TTLL5: variants seen among roughly 807,000 people sequenced by gnomAD.
TTLL5 encodes the protein tubulin tyrosine ligase like 5.
A neutral mutation model predicts 168.4 loss-of-function variants in TTLL5; 132 were observed. The ratio of observed to expected loss-of-function variants is 0.78; its 90% CI spans 0.68 to 0.91. The LOEUF (loss-of-function observed/expected upper bound fraction) is 0.91, where lower values mean the gene tolerates loss of function less well. Ranked by LOEUF, TTLL5 falls within the 40% of genes least tolerant of loss-of-function variation. The pLI is 0.00. For missense variants in TTLL5, 1,545 were observed against 1,581.5 expected (o/e 0.98, Z 0.39); for synonymous variants, 546 against 558.6 (o/e 0.98, Z 0.32).
At chr14:75,847,791 G>T (rs148154607) in intron 28 of TTLL5, 2,781 of 152,064 alleles carry the variant, frequency 0.018, 43 homozygotes, top group Middle Eastern at 0.027. Context: ...CACCTGACAG[G>T]CTTGTTAACA....
intron 31 of TTLL5, among the ~76,000 whole-genome samples, chr14:75,934,965 T>A (rs2140178187): frequency 6.6e-6 from 1 of 152,286 alleles, no homozygotes; most frequent in East Asian, 1.9e-4. Context: ...GGGAGATAAA[T>A]ATAAAGCAGC....
At chr14:75,819,032 C>T (rs186029273) in intron 27 of TTLL5, among the ~76,000 whole-genome samples, 2 of 152,190 alleles carry the variant, frequency 1.3e-5, no homozygotes, top group Non-Finnish European at 2.9e-5. Flanking sequence ...TCATAGGCCT[C>T]GGTTTCTTTC....
intron 27 of TTLL5, among the ~76,000 whole-genome samples, chr14:75,802,420 A>C (rs1438267518): frequency 1.3e-5 from 2 of 152,212 alleles, no homozygotes; most frequent in Non-Finnish European, 2.9e-5. Flanking sequence ...TAAGCAAGCA[A>C]AGTTGAATTT....
At chr14:75,706,232 G>A (rs1048678588) in intron 7 of TTLL5, among the ~76,000 whole-genome samples, 2 of 152,048 alleles carry the variant, frequency 1.3e-5, no homozygotes, top group Admixed American at 1.3e-4. Context: ...TTGTAACCTG[G>A]CATCTTGTAT....
intron 21 of TTLL5, 75 bp from the exon 22 acceptor site, chr14:75,775,409 T>C: frequency 6.6e-7 from 1 of 1,516,806 alleles, no homozygotes; most frequent in South Asian, 1.2e-5. Flanking sequence ...TGTTATATAA[T>C]GCCTTCATAG....
At position 75,779,676 on chromosome 14, in the gene TTLL5, A is replaced by G. The variant is rs552732553; in HGVS notation, c.2489A>G (p.Asn830Ser). Residue 830 changes from asparagine to serine, a missense_variant, in exon 24 of 32, where the codon AAT becomes AGT. Coordinates refer to ENST00000298832, the MANE Select transcript of TTLL5 (RefSeq NM_015072.5). ...TCTAAAATTTCTAAGAACAACAACAATTATTCTGATAGTGGGGCAAAAGGT... is the reference window on the plus strand; with the variant it reads ...TCTAAAATTTCTAAGAACAACAACAGTTATTCTGATAGTGGGGCAAAAGGT... ...THSKISKNNNNYSDSGAKGDH... is the reference protein window; with the variant it reads ...THSKISKNNNSYSDSGAKGDH... 2.5e-5 allele frequency: 41 copies of G among 1,613,250 alleles called. No individual in the cohort carries two copies. The highest frequency in any genetic ancestry group is 1.7e-4 in the Middle Eastern group (1 of 6,060).
At chr14:75,735,348 G>T in intron 15 of TTLL5, 59 bp downstream of exon 15, 1 of 1,539,748 alleles carries the variant, frequency 6.5e-7, no homozygotes, top group East Asian at 2.2e-5. Flanking sequence ...GGCGGCTGAT[G>T]TAACTGTGGG....
chr14:75,938,970 C>A (rs1362543622), intron 31 of TTLL5, among the ~76,000 whole-genome samples: 1 of 152,202 alleles, frequency 6.6e-6, no homozygotes, highest in Non-Finnish European at 1.5e-5. Flanking sequence ...GTCATCCAAT[C>A]AGTTTAACGG....
In TTLL5 at chr14:75,783,144, T is replaced by C. The variant is rs185326652; in HGVS notation, c.2603-3T>C. 4,032 of 1,597,474 alleles carry C rather than the reference T, an allele frequency of 2.5e-3. 13 individuals are homozygous for C. The highest frequency in any genetic ancestry group is 3.7e-3 in the Admixed American group (218 of 58,738). On this transcript the variant is annotated splice_polypyrimidine_tract_variant and splice_region_variant and intron_variant, in intron 25 of 31. Transcript: ENST00000298832. Reference sequence around the variant, plus strand: ...ATGTCTTGTTTTGTTTTGTTTTTAATAGGATTTACCACTTCAGCAGAAAAA... The same window carrying C: ...ATGTCTTGTTTTGTTTTGTTTTTAACAGGATTTACCACTTCAGCAGAAAAA...
In TTLL5 at chr14:75,920,147, A is replaced by C. The variant is rs564364375; in HGVS notation, c.3823+17923A>C. Among the ~76,000 whole-genome samples the C allele has an allele frequency of 4.0e-4, 60 of 151,648 alleles. No homozygotes were observed. The South Asian group carries it at 0.01, about 26-fold the overall frequency. On this transcript the variant is annotated intron_variant, in intron 31 of 31. Transcript: ENST00000298832. ...AAGCAACAACAACAACAACAACAAC[A>C]AAATGAAATGTAAAAGACAGCCCAC...
At chr14:75,749,466 C>T (rs1889815319) in intron 17 of TTLL5, among the ~76,000 whole-genome samples, 1 of 152,136 alleles carries the variant, frequency 6.6e-6, no homozygotes, top group African/African-American at 2.4e-5. Flanking sequence ...TGTCTACAAG[C>T]AAATGCACTT....
At chr14:75,694,342 A>T (rs776799793) in intron 6 of TTLL5, among the ~76,000 whole-genome samples, 1 of 152,090 alleles carries the variant, frequency 6.6e-6, no homozygotes, top group Non-Finnish European at 1.5e-5. Flanking sequence ...AAGAAGCATT[A>T]ACTTCTTTTT....
chr14:75,756,714 G>C (rs1172536158), intron 18 of TTLL5, among the ~76,000 whole-genome samples: 1 of 151,980 alleles, frequency 6.6e-6, no homozygotes, highest in Non-Finnish European at 1.5e-5. Flanking sequence ...CGCCATGTTG[G>C]CCAAGCTGAT....
Position 75,881,619 on chromosome 14 carries a change from C to T in TTLL5, c.3523-1066C>T, listed in dbSNP as rs141489796. ...GAAGATGAATATTTCCTAAGAGCAT[C>T]TCATATTATTTCATCCTGCCTCACC... On this transcript the variant is annotated intron_variant, in intron 29 of 31. Transcript: ENST00000298832. 2.1e-3 allele frequency among the ~76,000 whole-genome samples: 320 copies of T among 152,316 alleles called. 1 individual carries two copies. Among genetic ancestry groups the T allele is most frequent in the African/African-American group, 7.5e-3 (311 of 41,574 alleles).
chr14:75,744,325 C>T (rs1373769548), intron 15 of TTLL5: 5 of 152,384 alleles, frequency 3.3e-5, no homozygotes, highest in African/African-American at 1.2e-4. Flanking sequence ...TTTTTACCTT[C>T]CTATTTCTCC....
At chr14:75,762,970 A>T (rs572856519) in intron 18 of TTLL5, among the ~76,000 whole-genome samples, 2 of 152,316 alleles carry the variant, frequency 1.3e-5, no homozygotes, top group South Asian at 4.1e-4. Flanking sequence ...TTTAATTAGG[A>T]TGATCTCAAA....
chr14:75,931,697 C>T (rs2034282232), intron 31 of TTLL5, among the ~76,000 whole-genome samples: 1 of 152,030 alleles, frequency 6.6e-6, no homozygotes, highest in Admixed American at 6.5e-5. Context: ...ATGGTTTGCT[C>T]ATTAAAGACC....
At chr14:75,900,612 C>T (rs2032881667) in intron 30 of TTLL5, among the ~76,000 whole-genome samples, 1 of 152,074 alleles carries the variant, frequency 6.6e-6, no homozygotes, top group South Asian at 2.1e-4. Flanking sequence ...CCTGACTGTC[C>T]CCACCCCTAT....
chr14:75,876,930 A>G (rs915919300), intron 29 of TTLL5, among the ~76,000 whole-genome samples: 2 of 152,220 alleles, frequency 1.3e-5, no homozygotes, highest in African/African-American at 2.4e-5. Context: ...GTGAGTGATT[A>G]GTAACTTACA....
Sources: allele counts gnomAD v4.1 joint callset (sites outside exome capture counted in the v4.1 genomes callset), GRCh38; gene constraint gnomAD v4.1.1; transcripts MANE v1.5; gene names NCBI Gene and HGNC (gene_info 2026-07-23, HGNC 2026-07-21).